Variants in SLC35F3 observed in about 807,000 individuals in gnomAD.
SLC35F3 encodes putative thiamine transporter SLC35F3.
SLC35F3 carries 25 observed loss-of-function variants against 49.9 expected under a neutral mutation model. The ratio of observed to expected loss-of-function variants is 0.50; its 90% CI spans 0.37 to 0.70. The LOEUF (loss-of-function observed/expected upper bound fraction) is 0.70. Among genes scored for constraint, SLC35F3 ranks in the 30% least tolerant of loss-of-function variants. SLC35F3 has a pLI of 0.00. For missense variants in SLC35F3, 525 were observed against 639.8 expected, an observed-to-expected ratio of 0.82 and a Z score of 1.94; for synonymous variants, 275 against 265.4, an observed-to-expected ratio of 1.04 and a Z score of -0.35.
chr1:234,296,660 C>T (rs1668597280), intron 3 of SLC35F3, among the ~76,000 whole-genome samples: 2 of 152,210 alleles, frequency 1.3e-5, no homozygotes, highest in African/African-American at 4.8e-5. Flanking sequence ...CCCTGTGGAC[C>T]AGCGATGCTT....
At chr1:234,010,947 T>A (rs188477126) in intron 2 of SLC35F3, among the ~76,000 whole-genome samples, 66 of 152,334 alleles carry the variant, frequency 4.3e-4, no homozygotes, top group Non-Finnish European at 8.4e-4. Flanking sequence ...TTTCCCTTGA[T>A]GTCATCAGTA....
intron 2 of SLC35F3, among the ~76,000 whole-genome samples, chr1:234,154,640 TTAAA>T (rs1666124578): frequency 6.6e-6 from 1 of 152,170 alleles, no homozygotes; most frequent in Admixed American, 6.5e-5. Context: ...CCCCAATAGT[TTAAA>T]TAGTTATCAT....
At chr1:234,322,166 C>T (rs1657636550) in intron 7 of SLC35F3, among the ~76,000 whole-genome samples, 1 of 148,886 alleles carries the variant, frequency 6.7e-6, no homozygotes, top group African/African-American at 2.5e-5. Flanking sequence ...TGCACTCCAG[C>T]TTGTGTGACA....
chr1:234,321,472 G>GA (rs1197104308), intron 7 of SLC35F3, among the ~76,000 whole-genome samples: 2 of 152,192 alleles, frequency 1.3e-5, no homozygotes, highest in African/African-American at 4.8e-5. Flanking sequence ...TGGTAAAAAA[G>GA]AAAAATGGTC....
intron 2 of SLC35F3, among the ~76,000 whole-genome samples, chr1:234,091,886 A>G (rs1434168670): frequency 6.6e-6 from 1 of 152,200 alleles, no homozygotes; most frequent in African/African-American, 2.4e-5. Flanking sequence ...CCCACGCAGT[A>G]TTAGTGCCTA....
intron 2 of SLC35F3, among the ~76,000 whole-genome samples, chr1:233,913,810 C>T (rs1246538004): frequency 6.6e-6 from 1 of 152,146 alleles, no homozygotes; most frequent in Non-Finnish European, 1.5e-5. Context: ...AAAACACTGA[C>T]AAGTAATCGC....
At chr1:234,085,281 G>T (rs946078932) in intron 2 of SLC35F3, among the ~76,000 whole-genome samples, 1 of 152,166 alleles carries the variant, frequency 6.6e-6, no homozygotes, top group Non-Finnish European at 1.5e-5. Flanking sequence ...GTGTCCATGA[G>T]ATATATTTGT....
intron 3 of SLC35F3, among the ~76,000 whole-genome samples, chr1:234,268,228 G>A (rs954933466): frequency 3.3e-5 from 5 of 152,190 alleles, no homozygotes; most frequent in African/African-American, 7.2e-5. Flanking sequence ...CGAGGCTGGC[G>A]GATCACTCGC....
In SLC35F3 at chr1:234,146,467, C is replaced by T. The variant is rs1665996561; in HGVS notation, c.284-84950C>T. Among the ~76,000 whole-genome samples the T allele has an allele frequency of 2.4e-5, 3 of 127,422 alleles. No homozygotes were observed. In the South Asian group the frequency reaches 8.6e-4, roughly 37 times the overall value. The allele number at this position is 127,422 out of a possible 152,430, so 83.6% of individuals were successfully genotyped here. Reference sequence around the variant, plus strand: ...ATTTTTTAATCTAAAATAAAAGTTACCAAGATATTTGCTCTTTTTTTTTTT... The same window carrying T: ...ATTTTTTAATCTAAAATAAAAGTTATCAAGATATTTGCTCTTTTTTTTTTT... On this transcript the variant is annotated intron_variant, in intron 2 of 7. Coordinates refer to ENST00000366618, the MANE Select transcript of SLC35F3 (RefSeq NM_173508.4).
chr1:233,996,407 T>C (rs965575547), intron 2 of SLC35F3, among the ~76,000 whole-genome samples: 2 of 152,132 alleles, frequency 1.3e-5, no homozygotes, highest in African/African-American at 4.8e-5. Context: ...CAATCCCTCA[T>C]GGATACTGAG....
intron 2 of SLC35F3, among the ~76,000 whole-genome samples, chr1:234,091,033 C>T (rs1665036956): frequency 6.6e-6 from 1 of 152,198 alleles, no homozygotes; most frequent in South Asian, 2.1e-4. Flanking sequence ...AATAACTTCA[C>T]TTTAGCTTTG....
At chr1:233,958,973 G>C (rs550653198) in intron 2 of SLC35F3, among the ~76,000 whole-genome samples, 14 of 152,324 alleles carry the variant, frequency 9.2e-5, no homozygotes, top group African/African-American at 3.1e-4. Flanking sequence ...TTGGAACTGT[G>C]TGTATGATCA....
Position 233,905,032 on chromosome 1 carries a change from C to G in SLC35F3, c.-46C>G. On this transcript the variant is annotated 5_prime_UTR_variant, in exon 1 of 8. Transcript: ENST00000366618. ...TGCAGGGAGCTCCGGCCCGCGGCCC[C>G]TCCGCCTCAAGTCTGGGAGCTGCCG... is the stretch of plus-strand genomic sequence containing the variant. 15 of 1,544,800 alleles carry G rather than the reference C, an allele frequency of 9.7e-6. No homozygotes were observed. Among genetic ancestry groups the G allele is most frequent in the South Asian group, 7.2e-5 (6 of 83,054 alleles).
intron 2 of SLC35F3, among the ~76,000 whole-genome samples, chr1:233,945,199 A>G (rs1045764687): frequency 6.6e-5 from 10 of 151,910 alleles, no homozygotes; most frequent in African/African-American, 2.4e-4. Flanking sequence ...ATGGAGCACC[A>G]GTGAAATGTA....
chr1:233,938,211 C>T (rs1662364214), intron 2 of SLC35F3, among the ~76,000 whole-genome samples: 2 of 152,034 alleles, frequency 1.3e-5, no homozygotes, highest in Non-Finnish European at 2.9e-5. Flanking sequence ...TGTGGGGGCC[C>T]CAGATACTAG....
chr1:234,175,388 C>T (rs1666460943), intron 2 of SLC35F3, among the ~76,000 whole-genome samples: 1 of 152,100 alleles, frequency 6.6e-6, no homozygotes, highest in South Asian at 2.1e-4. Flanking sequence ...AGGTAAGAAC[C>T]ATGTCTTCAC....
At chr1:234,199,052 C>G (rs993723370) in intron 2 of SLC35F3, among the ~76,000 whole-genome samples, 40 of 72,344 alleles carry the variant, frequency 5.5e-4, no homozygotes, top group African/African-American at 2.4e-3. Context: ...GTCCTTATTT[C>G]TACAAAAAAA....
At chr1:233,942,023 C>G (rs758636256) in intron 2 of SLC35F3, among the ~76,000 whole-genome samples, 1 of 147,984 alleles carries the variant, frequency 6.8e-6, no homozygotes, top group African/African-American at 2.5e-5. Flanking sequence ...TTCAGTGGCA[C>G]GATCTCGGAT....
At chr1:234,055,638 A>T (rs1447865272) in intron 2 of SLC35F3, among the ~76,000 whole-genome samples, 1 of 152,076 alleles carries the variant, frequency 6.6e-6, no homozygotes, top group East Asian at 1.9e-4. Flanking sequence ...ACTTCAGCTC[A>T]TGCTCCAGGG....
Sources: gnomAD v4.1 joint callset for allele counts (sites outside exome capture counted in the v4.1 genomes callset) on GRCh38, gnomAD v4.1.1 for gene constraint, MANE v1.5 for transcripts, NCBI Gene and HGNC (gene_info 2026-07-23, HGNC 2026-07-21) for gene names.